The following TP63 variants were observed in gnomAD, a reference collection of about 807,000 sequenced individuals.
The protein encoded by TP63 is tumor protein 63.
A neutral mutation model predicts 82.8 loss-of-function variants in TP63; 17 were observed. The observed-to-expected ratio is 0.21, with a 90% CI of 0.14 to 0.31. The LOEUF (loss-of-function observed/expected upper bound fraction) is 0.31. Among genes scored for constraint, TP63 ranks in the 10% least tolerant of loss-of-function variants. The pLI, the probability that TP63 is intolerant of heterozygous loss-of-function variation, is 1.00. For missense variants in TP63, 648 were observed against 895.3 expected, an observed-to-expected ratio of 0.72 and a Z score of 3.52; for synonymous variants, 330 against 321.7, an observed-to-expected ratio of 1.03 and a Z score of -0.28.
intron 6 of TP63, 35 bp from the exon 7 acceptor site, chr3:189,867,798 C>G (rs750200069): frequency 6.3e-7 from 1 of 1,581,776 alleles, no homozygotes; most frequent in African/African-American, 1.3e-5. Context: ...AGTTTAAACC[C>G]TTGTTAACAC....
At chr3:189,763,763 C>T (rs1722749309) in intron 3 of TP63, among the ~76,000 whole-genome samples, 1 of 152,174 alleles carries the variant, frequency 6.6e-6, no homozygotes, top group South Asian at 2.1e-4. Flanking sequence ...CTAAAAAATA[C>T]TTGACTCATC....
intron 1 of TP63, among the ~76,000 whole-genome samples, chr3:189,671,431 T>G (rs904519836): frequency 2.0e-5 from 3 of 152,028 alleles, no homozygotes; most frequent in African/African-American, 4.8e-5. Flanking sequence ...TCTTACACAT[T>G]CTTGGTTGGA....
At chr3:189,605,331 T>C in the TP63 span, among the ~76,000 whole-genome samples, 1 of 152,364 alleles carries the variant, frequency 6.6e-6, no homozygotes, top group Non-Finnish European at 1.5e-5. Context: ...TATGCTTTTG[T>C]CAAGGATCTC....
chr3:189,701,161 C>A (rs1717771527), intron 1 of TP63, among the ~76,000 whole-genome samples: 1 of 152,092 alleles, frequency 6.6e-6, no homozygotes, highest in Non-Finnish European at 1.5e-5. Context: ...CATTAAACCT[C>A]TTTTTCTTTA....
chr3:189,645,359 T>C, intron 1 of TP63: 1 of 529,332 alleles, frequency 1.9e-6, no homozygotes, highest in South Asian at 2.8e-5. Flanking sequence ...TAAGCAGAAC[T>C]GTACTGGGTA....
chr3:189,685,516 T>TA (rs1716363771), intron 1 of TP63, among the ~76,000 whole-genome samples: 1 of 152,198 alleles, frequency 6.6e-6, no homozygotes, highest in Non-Finnish European at 1.5e-5. Context: ...CTGTAGCACT[T>TA]ACTTTAAACC....
At chr3:189,702,667 A>T (rs570600609) in intron 1 of TP63, among the ~76,000 whole-genome samples, 3 of 152,236 alleles carry the variant, frequency 2.0e-5, no homozygotes, top group African/African-American at 7.2e-5. Context: ...GTTACCATGG[A>T]TGCTACACTG....
chr3:189,797,195 C>G (rs1367955441), intron 3 of TP63, among the ~76,000 whole-genome samples: 1 of 152,064 alleles, frequency 6.6e-6, no homozygotes, highest in African/African-American at 2.4e-5. Context: ...AATTTTGAGT[C>G]AAGCTGTGGT....
chr3:189,881,393 G>C (rs967306112), intron 10 of TP63: 29 of 985,184 alleles, frequency 2.9e-5, no homozygotes, highest in Non-Finnish European at 3.5e-5. Flanking sequence ...CCAGTCACCA[G>C]CACTGTATTT....
At chr3:189,853,091 C>T (rs1182906870) in intron 4 of TP63, among the ~76,000 whole-genome samples, 1 of 152,122 alleles carries the variant, frequency 6.6e-6, no homozygotes, top group African/African-American at 2.4e-5. Flanking sequence ...GCCAGTTCAT[C>T]AGCTAATCTG....
intron 1 of TP63, among the ~76,000 whole-genome samples, chr3:189,701,986 G>A (rs1717849287): frequency 6.6e-6 from 1 of 152,160 alleles, no homozygotes; most frequent in Non-Finnish European, 1.5e-5. Flanking sequence ...TAACTTGTCT[G>A]CAAGTTGGAA....
chr3:189,756,458 G>A (rs761828337), intron 3 of TP63, among the ~76,000 whole-genome samples: 1 of 152,092 alleles, frequency 6.6e-6, no homozygotes, highest in Non-Finnish European at 1.5e-5. Flanking sequence ...GTGCCAAGTC[G>A]GGGACTTTAC....
chr3:189,872,621 G>C (rs952069920), intron 9 of TP63, among the ~76,000 whole-genome samples: 3 of 152,130 alleles, frequency 2.0e-5, no homozygotes, highest in Non-Finnish European at 2.9e-5. Context: ...CAAGATGACA[G>C]AGCATCTCCT....
chr3:189,736,955 G>A (rs921878722), intron 1 of TP63, among the ~76,000 whole-genome samples: 5 of 152,040 alleles, frequency 3.3e-5, no homozygotes, highest in East Asian at 1.9e-4. Flanking sequence ...CTTGGAGAAC[G>A]CATCATCTGA....
chr3:189,758,928 C>T (rs1722375755), intron 3 of TP63, among the ~76,000 whole-genome samples: 1 of 152,180 alleles, frequency 6.6e-6, no homozygotes, highest in African/African-American at 2.4e-5. Flanking sequence ...TTTGTCTGTT[C>T]AGGTTTCAGA....
chr3:189,651,912 G>T lies in TP63; in HGVS notation c.62+20335G>T, dbSNP rs566383541. Among the ~76,000 whole-genome samples the T allele has an allele frequency of 7.5e-5, 11 of 147,326 alleles. 1 individual carries two copies. In the East Asian group the frequency reaches 2.6e-3, roughly 35 times the overall value. ...CTCCAAGCTTTGGCAGCTTCCACAT[G>T]TTGTTGGTCCTGTTGGTGCTCATAA... is the stretch of plus-strand genomic sequence containing the variant. On this transcript the variant is annotated intron_variant, in intron 1 of 13. Transcript: ENST00000264731.
At chr3:189,874,100 C>T (rs562420898) in intron 10 of TP63, among the ~76,000 whole-genome samples, 5 of 152,076 alleles carry the variant, frequency 3.3e-5, no homozygotes, top group East Asian at 1.9e-4. Flanking sequence ...TATTGAGTCT[C>T]GCTCTGTCAC....
At chr3:189,748,508 C>CAAAAAAGAAAAAAA (rs1721548917) in intron 3 of TP63, among the ~76,000 whole-genome samples, 1 of 31,258 alleles carries the variant, frequency 3.2e-5, no homozygotes, top group Admixed American at 4.3e-4. Context: ...AGGAAAACTA[C>CAAAAAAGAAAAAAA]AAAAAAAAAA....
At position 189,787,756 on chromosome 3, in the gene TP63, G is replaced by A. The variant is rs534347354; in HGVS notation, c.325-20516G>A. On this transcript the variant is annotated intron_variant, in intron 3 of 13. Transcript: ENST00000264731. ...TAAAAAACAATTTAATAATGACTTT[G>A]GTAGGCAGTTGTGCTAACAGCATTT... Among the ~76,000 whole-genome samples the A allele has an allele frequency of 2.0e-5, 3 of 152,136 alleles. No individual in the cohort carries two copies. In the South Asian group the frequency reaches 6.2e-4, roughly 31 times the overall value.
Sources: gnomAD v4.1 joint callset for allele counts (sites outside exome capture counted in the v4.1 genomes callset) on GRCh38, gnomAD v4.1.1 for gene constraint, MANE v1.5 for transcripts, NCBI Gene and HGNC (gene_info 2026-07-23, HGNC 2026-07-21) for gene names.